IMMP2L: variants seen among roughly 807,000 people sequenced by gnomAD.
IMMP2L encodes inner mitochondrial membrane peptidase subunit 2.
A neutral mutation model predicts 19.3 loss-of-function variants in IMMP2L; 18 were observed. The ratio of observed to expected loss-of-function variants is 0.93; its 90% CI spans 0.64 to 1.38. The LOEUF (loss-of-function observed/expected upper bound fraction) is 1.38. Among genes scored for constraint, IMMP2L ranks in the 40% most tolerant of loss-of-function variants. The probability of loss-of-function intolerance (pLI) is 0.00; values close to 1 mark genes in which losing one functional copy is unlikely to be tolerated. For synonymous variants in IMMP2L, 76 were observed against 73.0 expected (o/e 1.04, Z -0.21); for missense variants, 233 against 218.2 (o/e 1.07, Z -0.43).
intron 5 of IMMP2L, among the ~76,000 whole-genome samples, chr7:110,716,322 G>T (rs1207502267): frequency 6.6e-6 from 1 of 152,016 alleles, no homozygotes; most frequent in Admixed American, 6.6e-5. Flanking sequence ...GATATGTGAG[G>T]TTTTGATCCT....
intron 5 of IMMP2L, among the ~76,000 whole-genome samples, chr7:110,696,430 T>TA: frequency 6.8e-6 from 1 of 147,298 alleles, no homozygotes; most frequent in African/African-American, 2.5e-5. Context: ...TTTCTCTTTT[T>TA]TTTTTTTTTT....
In IMMP2L at chr7:110,924,397, G is replaced by A. The variant is rs756806188; in HGVS notation, c.306-37702C>T. 2.0e-5 allele frequency among the ~76,000 whole-genome samples: 3 copies of A among 151,998 alleles called. No individual in the cohort carries two copies. The highest frequency in any genetic ancestry group is 4.8e-5 in the African/African-American group (2 of 41,408). On this transcript the variant is annotated intron_variant, in intron 4 of 5. Transcript: ENST00000405709. The surrounding 1 kb of genome is among the most constrained non-coding windows in gnomAD (Gnocchi z 4.2). ...CCATTTCAGCGCTACCTTTGCCAAC[G>A]GAGTCCTGCAATGACATACCAGACT... is the stretch of plus-strand genomic sequence containing the variant.
intron 3 of IMMP2L, among the ~76,000 whole-genome samples, chr7:111,270,774 GT>G (rs1449662411): frequency 2.6e-5 from 4 of 152,032 alleles, no homozygotes; most frequent in Non-Finnish European, 5.9e-5. Context: ...GTATTTATTT[GT>G]TTTTATTTTC....
At chr7:111,477,691 G>C (rs976633616) in intron 3 of IMMP2L, among the ~76,000 whole-genome samples, 1 of 152,040 alleles carries the variant, frequency 6.6e-6, no homozygotes, top group African/African-American at 2.4e-5. Context: ...CTGAGGTCAG[G>C]AGTTCAAGAC....
chr7:110,704,206 A>G (rs1205475219), intron 5 of IMMP2L, among the ~76,000 whole-genome samples: 1 of 152,184 alleles, frequency 6.6e-6, no homozygotes, highest in African/African-American at 2.4e-5. Flanking sequence ...AATTGTCAAC[A>G]TAACTATATT....
chr7:111,465,342 C>CGA (rs1840533702), intron 3 of IMMP2L, among the ~76,000 whole-genome samples: 2 of 151,854 alleles, frequency 1.3e-5, no homozygotes, highest in Non-Finnish European at 2.9e-5. Context: ...CACTCACTTC[C>CGA]TGGGGTCTAT....
chr7:110,781,709 C>G (rs1799758461), intron 5 of IMMP2L, among the ~76,000 whole-genome samples: 1 of 151,598 alleles, frequency 6.6e-6, no homozygotes, highest in Admixed American at 6.6e-5. Flanking sequence ...ACTCTTCATC[C>G]AAAATAAAAC....
At chr7:111,508,385 A>G (rs1387820671) in intron 2 of IMMP2L, among the ~76,000 whole-genome samples, 1 of 152,192 alleles carries the variant, frequency 6.6e-6, no homozygotes, top group African/African-American at 2.4e-5. Context: ...ATAATTATAA[A>G]ATGATATACC....
intron 3 of IMMP2L, among the ~76,000 whole-genome samples, chr7:111,000,641 C>T (rs1172512751): frequency 2.0e-5 from 3 of 152,070 alleles, no homozygotes; most frequent in Non-Finnish European, 2.9e-5. Flanking sequence ...GTCAAGAGTT[C>T]GAGACCAGCC....
In IMMP2L at chr7:110,795,977, G is replaced by A. The variant is rs765003587; in HGVS notation, c.408+90616C>T. 5.3e-5 allele frequency among the ~76,000 whole-genome samples: 8 copies of A among 152,132 alleles called. No homozygotes were observed. In the East Asian group the frequency reaches 9.7e-4, roughly 18 times the overall value. On this transcript the variant is annotated intron_variant, in intron 5 of 5. Transcript: ENST00000405709. ...AATCTCCACGTGTTGGGAGAAGGAC[G>A]TGGTGGAAGGTAATTGAATCATCAG...
At chr7:110,892,788 T>C (rs754159942) in intron 4 of IMMP2L, among the ~76,000 whole-genome samples, 1 of 152,148 alleles carries the variant, frequency 6.6e-6, no homozygotes, top group Non-Finnish European at 1.5e-5. Flanking sequence ...TTACATGAAA[T>C]AGAATTCGGC....
At chr7:111,134,947 G>A (rs1219007591) in intron 3 of IMMP2L, among the ~76,000 whole-genome samples, 3 of 151,976 alleles carry the variant, frequency 2.0e-5, no homozygotes, top group Non-Finnish European at 4.4e-5. Flanking sequence ...AAAGGGCCAG[G>A]TAGCCTCTTA....
chr7:111,035,373 G>C, intron 3 of IMMP2L, among the ~76,000 whole-genome samples: 1 of 152,158 alleles, frequency 6.6e-6, no homozygotes. Flanking sequence ...GCAAGAAATA[G>C]AAGATAACTC....
At chr7:111,135,513 G>A (rs1046860222) in intron 3 of IMMP2L, among the ~76,000 whole-genome samples, 3 of 152,096 alleles carry the variant, frequency 2.0e-5, no homozygotes, top group African/African-American at 7.2e-5. Flanking sequence ...ATTGGGAAAA[G>A]CTAACCCTGT....
chr7:111,178,381 T>C (rs141415760), intron 3 of IMMP2L, among the ~76,000 whole-genome samples: 8 of 152,202 alleles, frequency 5.3e-5, no homozygotes, highest in African/African-American at 1.9e-4. Context: ...TGCCTCTATG[T>C]TGATGGCTGC....
intron 3 of IMMP2L, among the ~76,000 whole-genome samples, chr7:111,238,386 G>T (rs1814594990): frequency 6.6e-6 from 1 of 151,992 alleles, no homozygotes; most frequent in Non-Finnish European, 1.5e-5. Context: ...GTAAAGTGAA[G>T]ACAATAGTAA....
At chr7:111,089,387 A>G (rs1796620459) in intron 3 of IMMP2L, among the ~76,000 whole-genome samples, 1 of 152,132 alleles carries the variant, frequency 6.6e-6, no homozygotes, top group Non-Finnish European at 1.5e-5. Context: ...ATCACTTAAG[A>G]TACCATGGCA....
At chr7:111,083,777 T>C (rs1796082221) in intron 3 of IMMP2L, among the ~76,000 whole-genome samples, 1 of 152,212 alleles carries the variant, frequency 6.6e-6, no homozygotes, top group Admixed American at 6.5e-5. Flanking sequence ...ACAAATGCTA[T>C]TTAATATTAT....
rs3051992 is a variant in IMMP2L at position 110,940,318 on chromosome 7, CA to C, written c.305+23181del. ...TGGGCAACAGAGCTAGACTCCATCTCAAAAAAAAAAAAAAAGTTAAAATAAA... is the reference window on the plus strand; with the variant it reads ...TGGGCAACAGAGCTAGACTCCATCTCAAAAAAAAAAAAAAGTTAAAATAAA... On this transcript the variant is annotated intron_variant, in intron 4 of 5. Transcript: ENST00000405709. 7.8e-3 allele frequency among the ~76,000 whole-genome samples: 992 copies of C among 127,510 alleles called. 11 individuals carry two copies. The highest frequency in any genetic ancestry group is 0.024 in the African/African-American group (779 of 32,346). 83.7% of individuals were successfully genotyped at this position (127,510 alleles called of 152,430 possible). A position where few individuals can be genotyped will look rare whatever the true frequency, so the allele number is the denominator to read the frequency against.
Sources: allele counts gnomAD v4.1 joint callset (sites outside exome capture counted in the v4.1 genomes callset), GRCh38; gene constraint gnomAD v4.1.1; non-coding constraint Gnocchi (gnomAD v3.1); transcripts MANE v1.5; gene names NCBI Gene and HGNC (gene_info 2026-07-23, HGNC 2026-07-21).